Variants in EML6 observed in about 807,000 individuals in gnomAD.
The protein encoded by EML6 is EMAP like 6, also known as echinoderm microtubule-associated protein-like 6.
In EML6, 154 loss-of-function variants were observed where a neutral mutation model predicts 240.1. The ratio of observed to expected loss-of-function variants is 0.64; its 90% CI spans 0.56 to 0.73. The LOEUF (loss-of-function observed/expected upper bound fraction) is 0.73. Among genes scored for constraint, EML6 ranks in the 30% least tolerant of loss-of-function variants. EML6 has a pLI of 0.00. For synonymous variants in EML6, 1,148 were observed against 899.0 expected (o/e 1.28, Z -4.95); for missense variants, 2,964 against 2,474.6 (o/e 1.20, Z -4.20).
chr2:54,963,831 A>T (rs1216256583), intron 36 of EML6, among the ~76,000 whole-genome samples, 155 bp from the exon 37 acceptor site: 1 of 152,244 alleles, frequency 6.6e-6, no homozygotes, highest in Non-Finnish European at 1.5e-5. Context: ...AGCTCTGCTC[A>T]GTTATTCAGG....
intron 2 of EML6, among the ~76,000 whole-genome samples, chr2:54,770,993 G>GGGGT (rs980655812): frequency 5.3e-5 from 8 of 152,238 alleles, no homozygotes; most frequent in African/African-American, 7.2e-5. Flanking sequence ...GGTTTAATGT[G>GGGGT]GGGTGGGGAA....
At chr2:54,867,136 G>T (rs140374905) in intron 14 of EML6, 151 of 299,178 alleles carry the variant, frequency 5.0e-4, no homozygotes, top group African/African-American at 3.0e-3. Flanking sequence ...ATAATTCCAT[G>T]ACTTAAAGGG....
intron 2 of EML6, among the ~76,000 whole-genome samples, chr2:54,769,984 T>C (rs924615753): frequency 1.3e-5 from 2 of 152,188 alleles, no homozygotes; most frequent in African/African-American, 4.8e-5. Flanking sequence ...TATTATATTA[T>C]TGTAATTTAG....
chr2:54,740,463 T>C (rs922720341), intron 2 of EML6, among the ~76,000 whole-genome samples: 1 of 151,914 alleles, frequency 6.6e-6, no homozygotes, highest in Admixed American at 6.6e-5. Flanking sequence ...CAATAAGAGG[T>C]CATTGATGAA....
At chr2:54,736,897 G>A (rs567806366) in intron 2 of EML6, among the ~76,000 whole-genome samples, 1 of 152,300 alleles carries the variant, frequency 6.6e-6, no homozygotes, top group Admixed American at 6.5e-5. Flanking sequence ...CAAATTGAGG[G>A]ACATTCTACA....
At chr2:54,796,670 C>T (rs73935220) in intron 2 of EML6, among the ~76,000 whole-genome samples, 3 of 152,000 alleles carry the variant, frequency 2.0e-5, no homozygotes, top group Admixed American at 6.6e-5. Context: ...AAAAGACTTA[C>T]AGAAACAGGG....
intron 2 of EML6, among the ~76,000 whole-genome samples, chr2:54,734,054 T>C (rs970492580): frequency 1.3e-5 from 2 of 152,140 alleles, no homozygotes; most frequent in African/African-American, 4.8e-5. Flanking sequence ...ATATTGGTGA[T>C]ATGGCCAGGC....
intron 5 of EML6, among the ~76,000 whole-genome samples, chr2:54,823,878 T>TCTCTCTCTCTCTCTCTCTCTC (rs60937620): frequency 0.02 from 2,569 of 129,094 alleles, 261 homozygotes; most frequent in Admixed American, 0.033. Context: ...CTCTCTCTCT[T>TCTCTCTCTCTCTCTCTCTCTC]TCTGTCTCTC....
chr2:54,884,784 A>G (rs1471589113), intron 17 of EML6, among the ~76,000 whole-genome samples: 1 of 152,250 alleles, frequency 6.6e-6, no homozygotes, highest in African/African-American at 2.4e-5. Flanking sequence ...TCTAGGAAAT[A>G]TAATTTTCTG....
rs1672522962 is a variant in EML6 at position 54,892,472 on chromosome 2, AAAGAGGAACTTTTGG to A, written c.2562_2576del (p.Arg854_Gly858del). On this transcript the variant is annotated inframe_deletion, in exon 19 of 42. Transcript: ENST00000356458. ...ACTCTAGGTGGGGGCTTCACTTCTA[AAAGAGGAACTTTTGG>A]AAGCGTTGGAAAATTGGAAACAATG... 6.4e-7 allele frequency: 1 copy of A among 1,551,206 alleles called. No individual in the cohort carries two copies. Among genetic ancestry groups the A allele is most frequent in the Non-Finnish European group, 8.7e-7 (1 of 1,146,710 alleles).
chr2:54,863,668 C>T, intron 12 of EML6, 115 bp from the exon 13 acceptor site: 1 of 665,856 alleles, frequency 1.5e-6, no homozygotes, highest in Non-Finnish European at 2.7e-6. Context: ...TAAATGAAAA[C>T]TATGGTATAG....
chr2:54,798,513 GTTAAAC>G (rs1161674398), intron 2 of EML6, among the ~76,000 whole-genome samples: 1 of 152,190 alleles, frequency 6.6e-6, no homozygotes, highest in East Asian at 1.9e-4. Flanking sequence ...ACATCTTTTT[GTTAAAC>G]TTAAGATCTT....
chr2:54,741,804 A>G (rs1021767283), intron 2 of EML6, among the ~76,000 whole-genome samples: 1 of 152,230 alleles, frequency 6.6e-6, no homozygotes, highest in Non-Finnish European at 1.5e-5. Context: ...TTGCATCCAT[A>G]GTGATATAAA....
chr2:54,936,995 C>G (rs916303952), intron 28 of EML6, among the ~76,000 whole-genome samples: 3 of 127,738 alleles, frequency 2.3e-5, no homozygotes, highest in Non-Finnish European at 4.8e-5. Flanking sequence ...TTTTTAAAGT[C>G]TGGGCCGGGC....
intron 25 of EML6, among the ~76,000 whole-genome samples, chr2:54,911,711 A>G (rs985369522): frequency 2.6e-5 from 4 of 152,228 alleles, no homozygotes; most frequent in Non-Finnish European, 5.9e-5. Flanking sequence ...TGCTGGGATT[A>G]CAGACGTGAG....
intron 2 of EML6, among the ~76,000 whole-genome samples, chr2:54,783,423 G>A (rs1043189927): frequency 1.3e-5 from 2 of 152,078 alleles, no homozygotes; most frequent in African/African-American, 4.8e-5. Flanking sequence ...ATTGTTTTCT[G>A]TAATACCATT....
At chr2:54,889,442 CT>C (rs1345772226) in intron 17 of EML6, among the ~76,000 whole-genome samples, 2 of 149,474 alleles carry the variant, frequency 1.3e-5, no homozygotes, top group Non-Finnish European at 3.0e-5. Flanking sequence ...GGATATAGTT[CT>C]GTTTTTTAAA....
At chr2:54,807,449 A>T (rs1220327384) in intron 2 of EML6, among the ~76,000 whole-genome samples, 1 of 152,198 alleles carries the variant, frequency 6.6e-6, no homozygotes, top group African/African-American at 2.4e-5. Context: ...CATTATCAAC[A>T]TTTTATCCTA....
Position 54,885,893 on chromosome 2 carries a change from G to C in EML6, c.2439-5161G>C, listed in dbSNP as rs550013429. Among the ~76,000 whole-genome samples the C allele has an allele frequency of 2.0e-5, 3 of 152,260 alleles. No individual in the cohort carries two copies. In the South Asian group the frequency reaches 6.2e-4, roughly 32 times the overall value. The stretch of plus-strand genomic sequence containing the variant: ...CCCAAAGTGCTGAGATTACAGGCGT[G>C]AGCCACCACGTCCAGCCCACTTTTT... On this transcript the variant is annotated intron_variant, in intron 17 of 41. Coordinates refer to ENST00000356458, the MANE Select transcript of EML6 (RefSeq NM_001039753.4).
Sources: allele counts gnomAD v4.1 joint callset (sites outside exome capture counted in the v4.1 genomes callset), GRCh38; gene constraint gnomAD v4.1.1; transcripts MANE v1.5; gene names NCBI Gene and HGNC (gene_info 2026-07-23, HGNC 2026-07-21).